PRKAR2B: variants seen among roughly 807,000 people sequenced by gnomAD.
PRKAR2B encodes protein kinase cAMP-dependent type II regulatory subunit beta.
PRKAR2B carries 14 observed loss-of-function variants against 49.9 expected under a neutral mutation model. That is an observed-to-expected ratio of 0.28 (90% confidence interval 0.19 to 0.44). The LOEUF (loss-of-function observed/expected upper bound fraction) is 0.44. Among genes scored for constraint, PRKAR2B ranks in the 20% least tolerant of loss-of-function variants. The probability of loss-of-function intolerance (pLI) is 1.00; values close to 1 mark genes in which losing one functional copy is unlikely to be tolerated. For synonymous variants in PRKAR2B, 196 were observed against 197.7 expected, an observed-to-expected ratio of 0.99 and a Z score of 0.07; for missense variants, 393 against 537.9, an observed-to-expected ratio of 0.73 and a Z score of 2.67.
chr7:107,057,636 G>A (rs542689927), intron 1 of PRKAR2B, among the ~76,000 whole-genome samples: 11 of 152,116 alleles, frequency 7.2e-5, no homozygotes, highest in East Asian at 3.9e-4. Flanking sequence ...AATAAGTTAC[G>A]TATTTTATGA....
intron 7 of PRKAR2B, among the ~76,000 whole-genome samples, chr7:107,152,716 A>C (rs1562872827): frequency 6.6e-6 from 1 of 152,246 alleles, no homozygotes; most frequent in Non-Finnish European, 1.5e-5. Flanking sequence ...TTATCAGCTT[A>C]CATCTGGTAA....
chr7:107,055,856 C>T (rs375229265), intron 1 of PRKAR2B, among the ~76,000 whole-genome samples: 1 of 152,088 alleles, frequency 6.6e-6, no homozygotes, highest in African/African-American at 2.4e-5. Context: ...TTTGTTGCCA[C>T]TGCTTTTGGT....
At chr7:107,150,786 G>T in intron 6 of PRKAR2B, 136 bp from the exon 7 acceptor site, 2 of 514,380 alleles carry the variant, frequency 3.9e-6, no homozygotes, top group Non-Finnish European at 7.0e-6. Context: ...AATATGAAAT[G>T]AGTTGCATTA....
intron 2 of PRKAR2B, among the ~76,000 whole-genome samples, chr7:107,109,612 C>A (rs769812940): frequency 6.6e-6 from 1 of 151,968 alleles, no homozygotes; most frequent in Non-Finnish European, 1.5e-5. Flanking sequence ...TGTTAATCTC[C>A]TATCTTACTA....
intron 2 of PRKAR2B, among the ~76,000 whole-genome samples, chr7:107,099,142 C>T (rs909130425): frequency 3.3e-5 from 5 of 152,214 alleles, no homozygotes; most frequent in African/African-American, 1.2e-4. Context: ...AGGCAGGCCT[C>T]CTTGAGCTGC....
At chr7:107,073,430 A>G (rs1425068220) in intron 2 of PRKAR2B, among the ~76,000 whole-genome samples, 3 of 152,196 alleles carry the variant, frequency 2.0e-5, no homozygotes, top group African/African-American at 7.2e-5. Flanking sequence ...AAGAGTTTAT[A>G]GAGGCTTCAG....
intron 10 of PRKAR2B, among the ~76,000 whole-genome samples, chr7:107,159,012 A>C (rs1446001723): frequency 1.3e-5 from 2 of 152,222 alleles, no homozygotes; most frequent in African/African-American, 4.8e-5. Context: ...CAAAACTTAC[A>C]AAAGGTTAAC....
intron 2 of PRKAR2B, 35 bp from the exon 3 acceptor site, chr7:107,121,917 A>C (rs1334858294): frequency 7.1e-7 from 1 of 1,408,814 alleles, no homozygotes; most frequent in Non-Finnish European, 9.9e-7. Context: ...TTTTTGATGA[A>C]ACAATCTTTA....
chr7:107,112,386 A>G (rs889337045), intron 2 of PRKAR2B, among the ~76,000 whole-genome samples: 31 of 151,848 alleles, frequency 2.0e-4, no homozygotes, highest in Non-Finnish European at 1.0e-4. Flanking sequence ...ATCATTTATC[A>G]TCTCACAAAT....
At chr7:107,057,026 T>C (rs1250720167) in intron 1 of PRKAR2B, among the ~76,000 whole-genome samples, 2 of 152,224 alleles carry the variant, frequency 1.3e-5, no homozygotes, top group African/African-American at 4.8e-5. Context: ...AACTCTGTGC[T>C]TAATCTAAAA....
At chr7:107,064,631 C>G (rs562398130) in intron 1 of PRKAR2B, among the ~76,000 whole-genome samples, 1 of 152,308 alleles carries the variant, frequency 6.6e-6, no homozygotes, top group African/African-American at 2.4e-5. Flanking sequence ...TTGGAGGGTA[C>G]CCGCCAACTA....
chr7:107,146,169 T>C lies in PRKAR2B; in HGVS notation c.588-139T>C, dbSNP rs921205339. On this transcript the variant is annotated intron_variant, in intron 5 of 10. Coordinates refer to ENST00000265717, the MANE Select transcript of PRKAR2B (RefSeq NM_002736.3). ...CATGGTCTGGAACAGATGGCACAGA[T>C]TGATTCCCCTTTATTGTCATCGGAG... is the stretch of plus-strand genomic sequence containing the variant. The C allele has an allele frequency of 1.3e-4, 112 of 847,004 alleles. 1 individual carries two copies. Among genetic ancestry groups the C allele is most frequent in the Admixed American group, 2.5e-4 (9 of 35,330 alleles). The allele number at this position is 847,004 out of a possible 1,614,324, so 52.5% of individuals were successfully genotyped here. A position where few individuals can be genotyped will look rare whatever the true frequency, so the allele number is the denominator to read the frequency against.
intron 2 of PRKAR2B, among the ~76,000 whole-genome samples, chr7:107,115,045 G>A (rs1795245975): frequency 6.6e-6 from 1 of 152,028 alleles, no homozygotes; most frequent in East Asian, 1.9e-4. Context: ...TATAGTAGAA[G>A]TAATAGGAAA....
chr7:107,157,164 A>G, intron 9 of PRKAR2B, 22 bp from the exon 10 acceptor site: 1 of 1,608,616 alleles, frequency 6.2e-7, no homozygotes, highest in Non-Finnish European at 8.5e-7. Context: ...GGAAAAGCTC[A>G]TCTTTTTAAT....
chr7:107,059,920 A>G (rs2116758465), intron 1 of PRKAR2B, among the ~76,000 whole-genome samples: 1 of 152,234 alleles, frequency 6.6e-6, no homozygotes, highest in East Asian at 1.9e-4. Context: ...TCCAGAGGGT[A>G]TATGATGTAT....
intron 1 of PRKAR2B, among the ~76,000 whole-genome samples, chr7:107,053,525 AGTGT>A (rs56855022): frequency 0.18 from 25,598 of 141,782 alleles, 2,160 homozygotes; most frequent in Middle Eastern, 0.27. Flanking sequence ...GATTATAAAG[AGTGT>A]GTGTGTGTGT....
At chr7:107,077,653 T>G (rs766875611) in intron 2 of PRKAR2B, 3 of 152,008 alleles carry the variant, frequency 2.0e-5, no homozygotes, top group Non-Finnish European at 4.4e-5. Flanking sequence ...AGGCCAGGAG[T>G]TATTTCATCC....
At chr7:107,133,883 C>T (rs1795647050) in intron 4 of PRKAR2B, 1 of 152,140 alleles carries the variant, frequency 6.6e-6, no homozygotes, top group Non-Finnish European at 1.5e-5. Context: ...TTCACCTTTG[C>T]CTCTCAGAAA....
intron 2 of PRKAR2B, among the ~76,000 whole-genome samples, chr7:107,105,431 T>C (rs1223761699): frequency 1.3e-5 from 2 of 152,230 alleles, no homozygotes; most frequent in Non-Finnish European, 2.9e-5. Context: ...TCCCGCATGG[T>C]ACAACCAAAG....
Sources: gnomAD v4.1 joint callset for allele counts (sites outside exome capture counted in the v4.1 genomes callset) on GRCh38, gnomAD v4.1.1 for gene constraint, MANE v1.5 for transcripts, NCBI Gene and HGNC (gene_info 2026-07-23, HGNC 2026-07-21) for gene names.